Variants in MTCL3 observed in about 807,000 individuals in gnomAD.
The protein encoded by MTCL3 is microtubule cross-linking factor 3.
At chr6:127,505,225 T>C in the MTCL3 span, among the ~76,000 whole-genome samples, 2 of 152,220 alleles carry the variant, frequency 1.3e-5, no homozygotes, top group East Asian at 1.9e-4. Flanking sequence ...AATGGCGAGA[T>C]AACTGTGGGT....
At chr6:127,486,513 C>T in the MTCL3 span, among the ~76,000 whole-genome samples, 1 of 152,184 alleles carries the variant, frequency 6.6e-6, no homozygotes, top group African/African-American at 2.4e-5. Context: ...CCCCCACCAT[C>T]ATCCACTAAA....
chr6:127,508,841 C>T, the MTCL3 span, among the ~76,000 whole-genome samples: 58 of 152,294 alleles, frequency 3.8e-4, no homozygotes, highest in African/African-American at 1.4e-3. Context: ...AAATAAAGTT[C>T]ACTGCTACAG....
chr6:127,478,587 A>T, the MTCL3 span, among the ~76,000 whole-genome samples: 1 of 152,348 alleles, frequency 6.6e-6, no homozygotes, highest in Non-Finnish European at 1.5e-5. Context: ...TCTCAGGCTC[A>T]TGATTAGATT....
At chr6:127,507,398 A>T in the MTCL3 span, among the ~76,000 whole-genome samples, 1 of 152,124 alleles carries the variant, frequency 6.6e-6, no homozygotes, top group African/African-American at 2.4e-5. Flanking sequence ...AAAGCTCATT[A>T]TATTGCACAA....
At chr6:127,508,265 A>G in the MTCL3 span, among the ~76,000 whole-genome samples, 574 of 152,326 alleles carry the variant, frequency 3.8e-3, 3 homozygotes, top group African/African-American at 0.01. Flanking sequence ...AGCTATGATC[A>G]GTTCTTTATT....
chr6:127,488,734 G>T, the MTCL3 span, among the ~76,000 whole-genome samples: 1 of 152,224 alleles, frequency 6.6e-6, no homozygotes, highest in Non-Finnish European at 1.5e-5. Context: ...AGTCAAAATT[G>T]TATGAGCTGA....
chr6:127,504,243 T>C, the MTCL3 span, among the ~76,000 whole-genome samples: 4 of 152,204 alleles, frequency 2.6e-5, no homozygotes, highest in Non-Finnish European at 5.9e-5. Context: ...CTGGTTGGTC[T>C]TGTGAGGACT....
chr6:127,475,890 G>A, the MTCL3 span: 1 of 1,613,610 alleles, frequency 6.2e-7, no homozygotes, highest in South Asian at 1.1e-5. This position sits in a 1 kb window ranked among gnomAD's most constrained non-coding sequence, Gnocchi z 7.3. Flanking sequence ...TGAGCTCGTT[G>A]ATCTGCAGGC....
At chr6:127,482,790 A>T in the MTCL3 span, 1 of 636,000 alleles carries the variant, frequency 1.6e-6, no homozygotes, top group Non-Finnish European at 2.6e-6. This position sits in a 1 kb window ranked among gnomAD's most constrained non-coding sequence, Gnocchi z 4.1. Flanking sequence ...CATAATTGAT[A>T]TGCAAATTTG....
chr6:127,478,222 G>T, the MTCL3 span, among the ~76,000 whole-genome samples: 3 of 152,170 alleles, frequency 2.0e-5, no homozygotes, highest in Non-Finnish European at 4.4e-5. Flanking sequence ...TTTGAGTTGA[G>T]GGGTCTCATT....
chr6:127,516,896 T>A, the MTCL3 span, among the ~76,000 whole-genome samples: 23,381 of 152,088 alleles, frequency 0.15, 2,200 homozygotes, highest in African/African-American at 0.26. Flanking sequence ...TCCATCTCAC[T>A]CCACCTCAGC....
At chr6:127,510,923 T>A in the MTCL3 span, among the ~76,000 whole-genome samples, 1 of 152,052 alleles carries the variant, frequency 6.6e-6, no homozygotes, top group Admixed American at 6.5e-5. Flanking sequence ...TTTACAGAGG[T>A]AATCAAATTA....
chr6:127,503,901 C>T, the MTCL3 span, among the ~76,000 whole-genome samples: 2 of 152,058 alleles, frequency 1.3e-5, no homozygotes, highest in Non-Finnish European at 2.9e-5. Flanking sequence ...GCATGAAACA[C>T]CTTGCTTAAT....
the MTCL3 span, chr6:127,476,145 G>A: frequency 1.9e-6 from 3 of 1,614,172 alleles, no homozygotes; most frequent in Non-Finnish European, 2.5e-6. This position sits in a 1 kb window ranked among gnomAD's most constrained non-coding sequence, Gnocchi z 4.4. Context: ...CCGAGCCGTT[G>A]AAGTCATCGC....
the MTCL3 span, among the ~76,000 whole-genome samples, chr6:127,504,329 A>G: frequency 3.3e-5 from 5 of 152,170 alleles, no homozygotes; most frequent in Non-Finnish European, 7.3e-5. Flanking sequence ...GCTCTTTCCT[A>G]TTAGAAAATA....
the MTCL3 span, among the ~76,000 whole-genome samples, chr6:127,509,395 T>C: frequency 2.0e-5 from 3 of 152,180 alleles, no homozygotes; most frequent in South Asian, 6.2e-4. Context: ...CTGAGAGCAA[T>C]TGGTCAATAC....
the MTCL3 span, among the ~76,000 whole-genome samples, chr6:127,477,371 G>T: frequency 3.3e-5 from 5 of 152,076 alleles, no homozygotes; most frequent in South Asian, 1.0e-3. Flanking sequence ...TTTCTCTGAG[G>T]GATATTACTG....
At chr6:127,475,100 A>G in the MTCL3 span, among the ~76,000 whole-genome samples, 8,385 of 152,272 alleles carry the variant, frequency 0.055, 815 homozygotes, top group African/African-American at 0.19. This position sits in a 1 kb window ranked among gnomAD's most constrained non-coding sequence, Gnocchi z 7.3. Context: ...AGTCACAAAA[A>G]CCTCAGCCCT....
the MTCL3 span, among the ~76,000 whole-genome samples, chr6:127,474,442 C>T: frequency 6.6e-6 from 1 of 152,016 alleles, no homozygotes. Flanking sequence ...CCACACCAGG[C>T]TAATTTTTGT....
Sources: allele counts gnomAD v4.1 joint callset (sites outside exome capture counted in the v4.1 genomes callset), GRCh38; gene constraint gnomAD v4.1.1; non-coding constraint Gnocchi (gnomAD v3.1); transcripts MANE v1.5; gene names NCBI Gene and HGNC (gene_info 2026-07-23, HGNC 2026-07-21).